UTRN: variants seen among roughly 807,000 people sequenced by gnomAD.
UTRN encodes the protein utrophin.
UTRN carries 283 observed loss-of-function variants against 463.9 expected under a neutral mutation model. The ratio of observed to expected loss-of-function variants is 0.61; its 90% CI spans 0.55 to 0.67. UTRN has a LOEUF of 0.67. Among genes scored for constraint, UTRN ranks in the 30% least tolerant of loss-of-function variants. UTRN has a pLI of 0.00. For synonymous variants in UTRN, 1,442 were observed against 1,431.5 expected, an observed-to-expected ratio of 1.01 and a Z score of -0.17; for missense variants, 3,922 against 4,084.3, an observed-to-expected ratio of 0.96 and a Z score of 1.08.
rs114858918 is a variant in UTRN, at chr6:144,575,446, A to G, written c.7290-1653A>G. 3.9e-3 allele frequency among the ~76,000 whole-genome samples: 589 copies of G among 152,264 alleles called. 4 individuals are homozygous for G. Among genetic ancestry groups the G allele is most frequent in the African/African-American group, 0.013 (549 of 41,562 alleles). On this transcript the variant is annotated intron_variant, in intron 50 of 74. Coordinates refer to ENST00000367545, the MANE Select transcript of UTRN (RefSeq NM_007124.3). ...GAAAAAATACGTGTAAATAAAGTCT[A>G]TTAGATATGCTGATTTTTACTGTGA...
chr6:144,419,219 C>T (rs1431612756), intron 3 of UTRN, among the ~76,000 whole-genome samples: 2 of 152,216 alleles, frequency 1.3e-5, no homozygotes, highest in African/African-American at 2.4e-5. Context: ...ACCCCTTACC[C>T]GGCTTCCTGA....
At chr6:144,822,123 A>G (rs1232370775) in intron 66 of UTRN, among the ~76,000 whole-genome samples, 1 of 152,132 alleles carries the variant, frequency 6.6e-6, no homozygotes, top group Non-Finnish European at 1.5e-5. Flanking sequence ...GGAAGTAGTA[A>G]TATTTTAGTG....
At chr6:144,487,887 A>T (rs1584983264) in intron 29 of UTRN, among the ~76,000 whole-genome samples, 190 bp downstream of exon 29, 1 of 152,348 alleles carries the variant, frequency 6.6e-6, no homozygotes, top group Admixed American at 6.5e-5. Flanking sequence ...ACTCTAAGAC[A>T]GAACTGGATG....
At chr6:144,654,319 C>A (rs1158041301) in intron 51 of UTRN, among the ~76,000 whole-genome samples, 1 of 152,150 alleles carries the variant, frequency 6.6e-6, no homozygotes, top group African/African-American at 2.4e-5. Flanking sequence ...AATCCCACTG[C>A]TTAGTATTAT....
chr6:144,728,118 A>G (rs947029570), intron 53 of UTRN, among the ~76,000 whole-genome samples: 249 of 142,628 alleles, frequency 1.7e-3, no homozygotes, highest in African/African-American at 6.5e-3. Context: ...AAAAAAAAAA[A>G]GGAATGTTTA....
intron 51 of UTRN, among the ~76,000 whole-genome samples, chr6:144,620,903 T>C (rs1305451310): frequency 6.6e-6 from 1 of 152,202 alleles, no homozygotes; most frequent in Non-Finnish European, 1.5e-5. Flanking sequence ...CCATTCTTTT[T>C]GTCCACAGCA....
chr6:144,622,669 T>C (rs1394360150), intron 51 of UTRN, among the ~76,000 whole-genome samples: 1 of 152,246 alleles, frequency 6.6e-6, no homozygotes, highest in African/African-American at 2.4e-5. Flanking sequence ...TCATCTGTAT[T>C]GTAATGTTGT....
At chr6:144,787,064 C>T (rs899787870) in intron 61 of UTRN, among the ~76,000 whole-genome samples, 1 of 152,154 alleles carries the variant, frequency 6.6e-6, no homozygotes, top group East Asian at 1.9e-4. Context: ...GGGAGTCATG[C>T]TTTAATGCAT....
intron 51 of UTRN, among the ~76,000 whole-genome samples, chr6:144,650,885 A>T (rs1389826365): frequency 6.6e-6 from 1 of 152,056 alleles, no homozygotes; most frequent in Non-Finnish European, 1.5e-5. Context: ...CTCCAGCCTG[A>T]GCGACAGAGC....
Position 144,523,006 on chromosome 6 carries a change from A to T in UTRN, c.5734-10A>T. 1 of 1,573,136 alleles carries T rather than the reference A, an allele frequency of 6.4e-7. No homozygotes were observed. Among genetic ancestry groups the T allele is most frequent in the South Asian group, 1.2e-5 (1 of 83,434 alleles). On this transcript the variant is annotated splice_polypyrimidine_tract_variant and intron_variant, in intron 40 of 74. Coordinates refer to ENST00000367545, the MANE Select transcript of UTRN (RefSeq NM_007124.3). ...CTGGATTTTGTTAATCTATGACAAT[A>T]TATTTTTAGAATATCAAAGACCAAC...
At chr6:144,575,653 G>T (rs1801368211) in intron 50 of UTRN, among the ~76,000 whole-genome samples, 1 of 152,032 alleles carries the variant, frequency 6.6e-6, no homozygotes, top group South Asian at 2.1e-4. Context: ...ATGTCTTACT[G>T]TGCCTAATTT....
At chr6:144,518,682 T>C (rs1227128338) in intron 39 of UTRN, among the ~76,000 whole-genome samples, 1 of 152,188 alleles carries the variant, frequency 6.6e-6, no homozygotes, top group Non-Finnish European at 1.5e-5. Flanking sequence ...ATCTTTTTCA[T>C]CTTTGGGTCC....
rs533225009 is a variant in UTRN, at chr6:144,522,178, C to T, written c.5733+7C>T. On this transcript the variant is annotated splice_region_variant and intron_variant, in intron 40 of 74. Coordinates refer to ENST00000367545, the MANE Select transcript of UTRN (RefSeq NM_007124.3). Reference sequence around the variant, plus strand: ...TCAGGAAGACTCTCTGAAGGTAGACCTCTGGGCACTGTGTTTGAATGGCCA... The same window carrying T: ...TCAGGAAGACTCTCTGAAGGTAGACTTCTGGGCACTGTGTTTGAATGGCCA... 1.3e-6 allele frequency: 2 copies of T among 1,497,814 alleles called. No homozygotes were observed. Among genetic ancestry groups the T allele is most frequent in the South Asian group, 2.9e-5 (2 of 68,312 alleles). The allele number at this position is 1,497,814 out of a possible 1,614,324, so 92.8% of individuals were successfully genotyped here. A position where few individuals can be genotyped will look rare whatever the true frequency, so the allele number is the denominator to read the frequency against.
At chr6:144,346,922 G>C (rs893558609) in intron 2 of UTRN, among the ~76,000 whole-genome samples, 10 of 144,706 alleles carry the variant, frequency 6.9e-5, no homozygotes, top group African/African-American at 2.8e-4. Context: ...TCTATCTATC[G>C]ATCTCTATCT....
At chr6:144,405,128 G>C (rs1392447779) in intron 3 of UTRN, among the ~76,000 whole-genome samples, 1 of 152,182 alleles carries the variant, frequency 6.6e-6, no homozygotes, top group African/African-American at 2.4e-5. Context: ...CTCAGCTTCT[G>C]TGTTAGTGTT....
At chr6:144,635,842 GC>G (rs1777114949) in intron 51 of UTRN, among the ~76,000 whole-genome samples, 1 of 151,664 alleles carries the variant, frequency 6.6e-6, no homozygotes, top group Non-Finnish European at 1.5e-5. Context: ...CCCAGCCTAG[GC>G]CCCCCTGCTG....
At chr6:144,337,697 C>T (rs1308373835) in intron 2 of UTRN, among the ~76,000 whole-genome samples, 1 of 152,154 alleles carries the variant, frequency 6.6e-6, no homozygotes, top group Non-Finnish European at 1.5e-5. Flanking sequence ...CCACTGCAAC[C>T]TCTGCCTCCC....
At chr6:144,700,318 A>G (rs1784450763) in intron 53 of UTRN, 75 bp downstream of exon 53, 2 of 1,476,570 alleles carry the variant, frequency 1.4e-6, no homozygotes, top group Admixed American at 1.9e-5. Flanking sequence ...AATTATAGAT[A>G]AGTATCAGAG....
At chr6:144,719,111 ACT>A (rs1554352383) in intron 53 of UTRN, among the ~76,000 whole-genome samples, 1 of 152,182 alleles carries the variant, frequency 6.6e-6, no homozygotes, top group Non-Finnish European at 1.5e-5. Context: ...CCACAGACCT[ACT>A]TTGTATGAAA....
Sources: gnomAD v4.1 joint callset for allele counts (sites outside exome capture counted in the v4.1 genomes callset) on GRCh38, gnomAD v4.1.1 for gene constraint, MANE v1.5 for transcripts, NCBI Gene and HGNC (gene_info 2026-07-23, HGNC 2026-07-21) for gene names.